Variants in DOCK4 observed in about 807,000 individuals in gnomAD.
DOCK4 encodes the protein dedicator of cytokinesis protein 4.
DOCK4 carries 97 observed loss-of-function variants against 268.1 expected under a neutral mutation model. That is an observed-to-expected ratio of 0.36 (90% CI 0.31 to 0.43). The LOEUF is 0.43. Ranked by LOEUF, DOCK4 falls within the 20% of genes least tolerant of loss-of-function variation. The pLI is 1.00. For synonymous variants in DOCK4, 954 were observed against 887.2 expected, an observed-to-expected ratio of 1.08 and a Z score of -1.34; for missense variants, 2,145 against 2,455.7, an observed-to-expected ratio of 0.87 and a Z score of 2.67.
intron 1 of DOCK4, among the ~76,000 whole-genome samples, chr7:112,008,010 C>T (rs1255803901): frequency 6.6e-6 from 1 of 152,130 alleles, no homozygotes; most frequent in Admixed American, 6.5e-5. Context: ...TCACGGTTTA[C>T]CAAAGATGCC....
chr7:111,741,627 T>C lies in DOCK4; in HGVS notation c.4832A>G (p.His1611Arg). 3 of 1,613,456 alleles carry C rather than the reference T, an allele frequency of 1.9e-6. No homozygotes were observed. The highest frequency in any genetic ancestry group is 1.1e-5 in the South Asian group (1 of 90,966). ...FSACMQASPV[H>R]FPNGSPRVCR... ...CACACGAGGGCTTCCATTAGGAAAATGGACAGGACTGGCTTGCATACAAGC... is the reference window on the plus strand; with the variant it reads ...CACACGAGGGCTTCCATTAGGAAAACGGACAGGACTGGCTTGCATACAAGC... Residue 1611 changes from histidine to arginine, a missense_variant, in exon 46 of 53, where the codon CAT becomes CGT. This residue lies in a region of DOCK4 where 1,598 missense variants were observed against 1,986.7 expected (regional missense o/e 0.80). Coordinates refer to ENST00000428084, the MANE Select transcript of DOCK4 (RefSeq NM_001363540.2).
intron 7 of DOCK4, 72 bp downstream of exon 7, chr7:111,984,234 G>T (rs1798862757): frequency 1.5e-6 from 2 of 1,306,676 alleles, no homozygotes; most frequent in South Asian, 1.3e-5. Flanking sequence ...ACAAAATCAA[G>T]CAAGTATGAG....
At chr7:111,971,175 G>A (rs899096040) in intron 8 of DOCK4, 3 of 152,602 alleles carry the variant, frequency 2.0e-5, no homozygotes, top group Non-Finnish European at 2.9e-5. Flanking sequence ...TTTGTTTTTT[G>A]AGGAGATTAT....
At chr7:112,058,358 T>G (rs1806040190) in intron 1 of DOCK4, among the ~76,000 whole-genome samples, 1 of 152,184 alleles carries the variant, frequency 6.6e-6, no homozygotes, top group Non-Finnish European at 1.5e-5. Context: ...TATGAAGTGA[T>G]GACATGATGT....
chr7:111,991,755 A>G (rs528921110), intron 5 of DOCK4, among the ~76,000 whole-genome samples: 49 of 151,666 alleles, frequency 3.2e-4, no homozygotes, highest in African/African-American at 1.2e-3. Flanking sequence ...AGGTCAGGAG[A>G]TCGAGACCAT....
intron 1 of DOCK4, among the ~76,000 whole-genome samples, chr7:112,040,668 T>A (rs533050081): frequency 1.3e-5 from 2 of 152,226 alleles, no homozygotes; most frequent in Non-Finnish European, 2.9e-5. Context: ...CACAAATACA[T>A]TTCAATAAAT....
At chr7:111,998,564 T>C in intron 3 of DOCK4, 61 bp from the exon 4 acceptor site, 1 of 1,368,916 alleles carries the variant, frequency 7.3e-7, no homozygotes, top group Non-Finnish European at 1.0e-6. Flanking sequence ...GTTTCACAAG[T>C]CATTTGTATA....
Position 111,940,230 on chromosome 7 carries a change from G to A in DOCK4, c.857C>T (p.Ala286Val), listed in dbSNP as rs1385926992. ...ACTACAGGCATTCTTTTTTTCTCCT[G>A]CTCCCATTCGACCTGTTCAATTAAA... ...VHIIRIGRMG[A>V]GEKKNACSVQ... Residue 286 changes from alanine (A) to valine (V), a missense_variant, in exon 11 of 53, where the codon GCA becomes GTA. Around this residue, in one of 2 missense-constraint regions of DOCK4, gnomAD observed 1,598 missense variants for 1,986.7 expected, o/e 0.80. Coordinates refer to ENST00000428084, the MANE Select transcript of DOCK4 (RefSeq NM_001363540.2). 1.2e-6 allele frequency: 2 copies of A among 1,613,764 alleles called. No individual in the cohort carries two copies. The highest frequency in any genetic ancestry group is 1.3e-5 in the African/African-American group (1 of 74,868).
At chr7:111,869,065 G>A (rs1310410110) in intron 21 of DOCK4, among the ~76,000 whole-genome samples, 1 of 152,118 alleles carries the variant, frequency 6.6e-6, no homozygotes, top group Non-Finnish European at 1.5e-5. Flanking sequence ...TGCAAGTAAG[G>A]GATTAGTATC....
At chr7:112,038,130 T>C (rs1263864123) in intron 1 of DOCK4, among the ~76,000 whole-genome samples, 2 of 152,256 alleles carry the variant, frequency 1.3e-5, no homozygotes, top group Non-Finnish European at 1.5e-5. Context: ...TCTATCCGTA[T>C]ATTTGAAGAG....
intron 32 of DOCK4, chr7:111,784,549 AT>A (rs1799034880): frequency 1.4e-5 from 6 of 443,736 alleles, no homozygotes; most frequent in Non-Finnish European, 2.3e-5. Flanking sequence ...AGTTTCATTC[AT>A]TTTGTCACTA....
intron 36 of DOCK4, among the ~76,000 whole-genome samples, chr7:111,777,757 T>C (rs551818477): frequency 4.6e-5 from 7 of 152,282 alleles, no homozygotes; most frequent in African/African-American, 1.4e-4. Flanking sequence ...GCTCTCATAA[T>C]AGTGAATAAG....
intron 1 of DOCK4, among the ~76,000 whole-genome samples, chr7:112,113,757 T>TTTTTTA: frequency 9.2e-6 from 1 of 109,192 alleles, no homozygotes; most frequent in Non-Finnish European, 1.8e-5. Flanking sequence ...TTTTTTTTTT[T>TTTTTTA]TTTTTTTTTT....
intron 32 of DOCK4, 66 bp from the exon 33 acceptor site, chr7:111,784,189 C>T (rs1585976445): frequency 1.4e-6 from 2 of 1,471,068 alleles, no homozygotes; most frequent in South Asian, 1.2e-5. Flanking sequence ...AATACAAACA[C>T]ATGCATATAA....
At chr7:111,748,271 A>G (rs183257944) in intron 42 of DOCK4, among the ~76,000 whole-genome samples, 1 of 152,298 alleles carries the variant, frequency 6.6e-6, no homozygotes, top group Non-Finnish European at 1.5e-5. Context: ...TCTTAAACCA[A>G]CACTGAAAAA....
intron 26 of DOCK4, among the ~76,000 whole-genome samples, chr7:111,824,097 T>C (rs1802217450): frequency 6.6e-6 from 1 of 152,196 alleles, no homozygotes; most frequent in Non-Finnish European, 1.5e-5. Flanking sequence ...ATCCGGTCCA[T>C]GTCTCCAGAA....
At chr7:112,030,139 T>G (rs558803434) in intron 1 of DOCK4, among the ~76,000 whole-genome samples, 1 of 152,356 alleles carries the variant, frequency 6.6e-6, no homozygotes, top group African/African-American at 2.4e-5. Flanking sequence ...GATCTTCATT[T>G]TGCAGAATGC....
intron 1 of DOCK4, among the ~76,000 whole-genome samples, chr7:112,184,078 G>A (rs1229296661): frequency 6.6e-6 from 1 of 152,106 alleles, no homozygotes; most frequent in East Asian, 1.9e-4. Flanking sequence ...CTCCACACAG[G>A]TTTGAGTTCT....
At chr7:111,885,793 AT>A (rs1807791343) in intron 16 of DOCK4, among the ~76,000 whole-genome samples, 1 of 152,208 alleles carries the variant, frequency 6.6e-6, no homozygotes, top group Non-Finnish European at 1.5e-5. Flanking sequence ...CTGAAATCAG[AT>A]CTGGCCAGAG....
Sources: gnomAD v4.1 joint callset for allele counts (sites outside exome capture counted in the v4.1 genomes callset) on GRCh38, gnomAD v4.1.1 for gene constraint, gnomAD v4.1.1 regional missense constraint, MANE v1.5 for transcripts, NCBI Gene and HGNC (gene_info 2026-07-23, HGNC 2026-07-21) for gene names.